Variants in NTRK3 observed in about 807,000 individuals in gnomAD.
NTRK3 encodes the protein neurotrophic receptor tyrosine kinase 3.
In NTRK3, 24 loss-of-function variants were observed where a neutral mutation model predicts 91.7. The observed-to-expected ratio is 0.26, with a 90% confidence interval of 0.19 to 0.37. The LOEUF is 0.37. NTRK3 is among the 10% of genes least tolerant of loss of function. NTRK3 has a pLI of 1.00. For missense variants in NTRK3, 880 were observed against 1,068.9 expected (o/e 0.82, Z 2.46); for synonymous variants, 483 against 404.0 (o/e 1.20, Z -2.34).
At chr15:88,136,965 G>C (rs1028042279) in intron 7 of NTRK3, among the ~76,000 whole-genome samples, 3 of 152,192 alleles carry the variant, frequency 2.0e-5, no homozygotes, top group Admixed American at 1.3e-4. Flanking sequence ...TGGGGAGCTT[G>C]CTTAAAATTC....
intron 13 of NTRK3, among the ~76,000 whole-genome samples, chr15:88,033,905 A>C (rs995750691): frequency 3.9e-5 from 6 of 152,166 alleles, no homozygotes; most frequent in African/African-American, 1.4e-4. Context: ...CTCCTCTTCT[A>C]GGGAGCTTTA....
intron 13 of NTRK3, among the ~76,000 whole-genome samples, chr15:88,107,452 A>C (rs551631772): frequency 2.0e-5 from 3 of 152,304 alleles, no homozygotes; most frequent in African/African-American, 7.2e-5. Context: ...CAAAAAGAAA[A>C]TCTATGAAGT....
chr15:87,955,866 A>G (rs1309907398), intron 14 of NTRK3, among the ~76,000 whole-genome samples: 1 of 152,190 alleles, frequency 6.6e-6, no homozygotes, highest in Non-Finnish European at 1.5e-5. Context: ...TTCAACAAAT[A>G]TGCATTAAAC....
chr15:88,230,591 T>C (rs972148539), intron 3 of NTRK3, among the ~76,000 whole-genome samples: 3 of 152,228 alleles, frequency 2.0e-5, no homozygotes, highest in African/African-American at 7.2e-5. Flanking sequence ...TTAATTTTTC[T>C]CATTATTATT....
At chr15:87,877,048 T>C (rs2141436957) in exon 19 of NTRK3, 1 of 1,614,052 alleles carries the variant, frequency 6.2e-7, no homozygotes, top group Non-Finnish European at 8.5e-7. Flanking sequence ...CACCCCAGCA[T>C]GACATCGTAC....
intron 3 of NTRK3, among the ~76,000 whole-genome samples, chr15:88,197,205 T>C (rs759736383): frequency 6.2e-5 from 9 of 144,518 alleles, no homozygotes; most frequent in Non-Finnish European, 9.1e-5. Flanking sequence ...ATTGACCACA[T>C]CTACTCAAAA....
intron 13 of NTRK3, among the ~76,000 whole-genome samples, chr15:88,075,791 G>C (rs2047490492): frequency 6.6e-6 from 1 of 152,182 alleles, no homozygotes. Context: ...ACTTGGTGGG[G>C]GCAGGGGGTG....
At chr15:88,100,684 G>C (rs1218396604) in intron 13 of NTRK3, among the ~76,000 whole-genome samples, 1 of 152,066 alleles carries the variant, frequency 6.6e-6, no homozygotes, top group African/African-American at 2.4e-5. Context: ...GAATGCCTGG[G>C]GCTCTGTCCC....
At chr15:88,124,251 C>T (rs563279240) in intron 13 of NTRK3, among the ~76,000 whole-genome samples, 1 of 152,274 alleles carries the variant, frequency 6.6e-6, no homozygotes, top group East Asian at 1.9e-4. Context: ...TATTTCACTT[C>T]CACCTACGTG....
At chr15:87,919,731 A>G (rs548671320) in intron 17 of NTRK3, among the ~76,000 whole-genome samples, 1 of 152,334 alleles carries the variant, frequency 6.6e-6, no homozygotes, top group African/African-American at 2.4e-5. Context: ...AAGAAGAAGA[A>G]GAGGGTGGAG....
intron 17 of NTRK3, among the ~76,000 whole-genome samples, chr15:87,913,466 T>C (rs2067236886): frequency 6.6e-6 from 1 of 152,102 alleles, no homozygotes; most frequent in Non-Finnish European, 1.5e-5. Context: ...AATCCTCTTT[T>C]CTACTTTCAT....
At chr15:88,124,869 G>T (rs1001486445) in intron 13 of NTRK3, among the ~76,000 whole-genome samples, 1 of 152,210 alleles carries the variant, frequency 6.6e-6, no homozygotes, top group Non-Finnish European at 1.5e-5. Flanking sequence ...AAATATCTCA[G>T]ATGACTTAAG....
intron 3 of NTRK3, chr15:88,206,004 A>G (rs544692898): frequency 6.6e-6 from 1 of 152,376 alleles, no homozygotes; most frequent in East Asian, 1.9e-4. Flanking sequence ...TTTCTAATCC[A>G]TTCCCCACAG....
intron 10 of NTRK3, among the ~76,000 whole-genome samples, chr15:88,130,067 C>A (rs1018028606): frequency 2.6e-5 from 4 of 152,170 alleles, no homozygotes; most frequent in Admixed American, 2.6e-4. Flanking sequence ...AGAAACCATC[C>A]CTGCCAACAC....
chr15:88,084,346 G>A (rs2048317795), intron 13 of NTRK3, among the ~76,000 whole-genome samples: 1 of 152,312 alleles, frequency 6.6e-6, no homozygotes, highest in Admixed American at 6.5e-5. Context: ...GGTTAGGCTA[G>A]TTCAGGGTAA....
At chr15:88,126,464 T>C in intron 12 of NTRK3, 91 bp from the exon 13 acceptor site, 1 of 796,996 alleles carries the variant, frequency 1.3e-6, no homozygotes, top group Non-Finnish European at 2.1e-6. Flanking sequence ...AGAACAGTCC[T>C]ACTGCCATAG....
intron 3 of NTRK3, among the ~76,000 whole-genome samples, chr15:88,226,395 C>T (rs1182745054): frequency 2.0e-5 from 3 of 152,308 alleles, no homozygotes; most frequent in East Asian, 1.9e-4. Flanking sequence ...AAACAGGCCA[C>T]GAGCAGTCCA....
intron 17 of NTRK3, among the ~76,000 whole-genome samples, chr15:87,883,183 G>A (rs936582850): frequency 6.7e-6 from 1 of 150,312 alleles, no homozygotes; most frequent in African/African-American, 2.4e-5. Context: ...TTTACACGTT[G>A]TCTGTTGTTT....
chr15:88,088,829 C>T (rs1238598211), intron 13 of NTRK3, among the ~76,000 whole-genome samples: 1 of 152,118 alleles, frequency 6.6e-6, no homozygotes, highest in East Asian at 1.9e-4. Context: ...ACACAGGGCT[C>T]ATTCCTGGCT....
Sources: allele counts gnomAD v4.1 joint callset (sites outside exome capture counted in the v4.1 genomes callset), GRCh38; gene constraint gnomAD v4.1.1; transcripts MANE v1.5; gene names NCBI Gene and HGNC (gene_info 2026-07-23, HGNC 2026-07-21).